Variants in MTM1 observed in about 807,000 individuals in gnomAD.
The protein encoded by MTM1 is myotubularin.
MTM1 carries 9 observed loss-of-function variants against 52.1 expected under a neutral mutation model. That is an observed-to-expected ratio of 0.17 (90% CI 0.10 to 0.30). The LOEUF is 0.30. MTM1 is among the 10% of genes least tolerant of loss of function. The pLI, the probability that MTM1 is intolerant of heterozygous loss-of-function variation, is 1.00. For synonymous variants in MTM1, 136 were observed against 163.8 expected (o/e 0.83, Z 1.29); for missense variants, 277 against 470.7 (o/e 0.59, Z 3.81).
chrX:150,657,040 T>C (rs1557414448), intron 10 of MTM1, among the ~76,000 whole-genome samples: 1 of 110,850 alleles, frequency 9.0e-6, no homozygotes, highest in Admixed American at 9.6e-5. Flanking sequence ...GTAAACTAGT[T>C]CAACCATTGT....
At chrX:150,655,653 ATT>A (rs2040101059) in intron 10 of MTM1, among the ~76,000 whole-genome samples, 1 of 112,336 alleles carries the variant, frequency 8.9e-6, no homozygotes, top group Non-Finnish European at 1.9e-5. Flanking sequence ...AAGGCCACCT[ATT>A]GCATTATCCT....
intron 6 of MTM1, among the ~76,000 whole-genome samples, chrX:150,627,855 G>A (rs782765706): frequency 1.6e-4 from 18 of 112,013 alleles, no homozygotes; most frequent in Non-Finnish European, 2.8e-4. Flanking sequence ...GGTTTGGGAC[G>A]CTTATGAATT....
chrX:150,615,739 TTTTC>T (rs1480754622), intron 5 of MTM1, among the ~76,000 whole-genome samples: 2 of 112,346 alleles, frequency 1.8e-5, no homozygotes, highest in African/African-American at 6.5e-5. Flanking sequence ...AATATGGTGT[TTTTC>T]TTTCCGTTTA....
chrX:150,606,951 C>T (rs1405885888), intron 4 of MTM1, among the ~76,000 whole-genome samples: 1 of 44,500 alleles, frequency 2.2e-5, no homozygotes, highest in Non-Finnish European at 5.0e-5. Flanking sequence ...CCCTCCCCTC[C>T]CCCTCCCCTC....
At chrX:150,587,216 T>C (rs1485036748) in intron 1 of MTM1, among the ~76,000 whole-genome samples, 1 of 111,749 alleles carries the variant, frequency 8.9e-6, no homozygotes, top group Non-Finnish European at 1.9e-5. Context: ...GTTAATAGCT[T>C]GTTTTTTAGT....
intron 14 of MTM1, among the ~76,000 whole-genome samples, chrX:150,669,419 TTCTAGA>T (rs1557415087): frequency 8.9e-6 from 1 of 111,950 alleles, no homozygotes; most frequent in Non-Finnish European, 1.9e-5. Context: ...GTATGTCTGG[TTCTAGA>T]TCCTTGAGGA....
At chrX:150,655,377 T>G (rs1024292995) in intron 10 of MTM1, among the ~76,000 whole-genome samples, 1 of 110,760 alleles carries the variant, frequency 9.0e-6, no homozygotes, top group East Asian at 2.8e-4. Context: ...TCCAACCGTT[T>G]CACTCCAAGA....
At chrX:150,583,286 T>C (rs1308807348) in intron 1 of MTM1, among the ~76,000 whole-genome samples, 1 of 58,224 alleles carries the variant, frequency 1.7e-5, no homozygotes, top group Non-Finnish European at 2.8e-5. Context: ...ATTATAAATA[T>C]ATATAAATTA....
chrX:150,567,305 C>CAT (rs1396567373), upstream of MTM1, among the ~76,000 whole-genome samples: 1 of 110,838 alleles, frequency 9.0e-6, no homozygotes, highest in Non-Finnish European at 1.9e-5. Context: ...TTCAATAAAG[C>CAT]ATATATATAT....
intron 6 of MTM1, among the ~76,000 whole-genome samples, chrX:150,626,445 C>T (rs1557413428): frequency 9.0e-6 from 1 of 110,870 alleles, no homozygotes; most frequent in African/African-American, 3.3e-5. Context: ...TCCTGAGTAG[C>T]TGGGACTACA....
At chrX:150,590,348 C>A (rs954797708) in intron 1 of MTM1, among the ~76,000 whole-genome samples, 1 of 112,140 alleles carries the variant, frequency 8.9e-6, no homozygotes, top group Non-Finnish European at 1.9e-5. Context: ...GAGCTTTAGA[C>A]ATAAAGACTG....
At chrX:150,594,084 C>CGT (rs1182801689) in intron 2 of MTM1, among the ~76,000 whole-genome samples, 2 of 108,771 alleles carry the variant, frequency 1.8e-5, no homozygotes, top group Non-Finnish European at 1.9e-5. Flanking sequence ...TTATGTGTTC[C>CGT]GTGTGTGTGT....
At chrX:150,588,874 A>G (rs990237833) in intron 1 of MTM1, among the ~76,000 whole-genome samples, 34 of 111,908 alleles carry the variant, frequency 3.0e-4, no homozygotes, top group Admixed American at 9.5e-5. Context: ...CATTTCAAAC[A>G]TGAGTTTGTA....
intron 1 of MTM1, among the ~76,000 whole-genome samples, chrX:150,584,657 G>T (rs2038749427): frequency 9.0e-6 from 1 of 111,193 alleles, no homozygotes; most frequent in Admixed American, 9.6e-5. Flanking sequence ...AAAATATCAA[G>T]GCATAAGTAC....
At position 150,583,533 on chromosome X, in the gene MTM1, A is replaced by T. The variant is rs868972552; in HGVS notation, c.-10-9072A>T. Among the ~76,000 whole-genome samples, 72 of 30,061 alleles carry T rather than the reference A, an allele frequency of 2.4e-3. 5 individuals are homozygous for T. Among genetic ancestry groups the T allele is most frequent in the African/African-American group, 8.7e-3 (57 of 6,519 alleles). The allele number at this position is 30,061 out of a possible 115,157, so 26.1% of individuals were successfully genotyped here. A position where few individuals can be genotyped will look rare whatever the true frequency, so the allele number is the denominator to read the frequency against. ...TATAATTTATATATATTATATATAA[A>T]TTATATATATTATACATAATTTATA... On this transcript the variant is annotated intron_variant, in intron 1 of 14. Coordinates refer to ENST00000370396, the MANE Select transcript of MTM1 (RefSeq NM_000252.3).
At chrX:150,669,270 A>C (rs782733700) in intron 14 of MTM1, among the ~76,000 whole-genome samples, 2 of 112,196 alleles carry the variant, frequency 1.8e-5, no homozygotes, top group East Asian at 5.6e-4. Flanking sequence ...TTCTTTATCC[A>C]GTCTATCACT....
At chrX:150,657,413 G>C (rs1186658383) in intron 10 of MTM1, among the ~76,000 whole-genome samples, 5 of 104,271 alleles carry the variant, frequency 4.8e-5, no homozygotes, top group African/African-American at 1.8e-4. Context: ...TCATAGGTGG[G>C]AATTGAACAA....
intron 1 of MTM1, among the ~76,000 whole-genome samples, chrX:150,587,471 G>T (rs781833181): frequency 8.9e-6 from 1 of 111,953 alleles, no homozygotes; most frequent in African/African-American, 3.2e-5. Flanking sequence ...AAAGGAAAAT[G>T]TATAAAAATG....
At chrX:150,647,594 T>C (rs1469095498) in intron 9 of MTM1, among the ~76,000 whole-genome samples, 1 of 112,268 alleles carries the variant, frequency 8.9e-6, no homozygotes, top group East Asian at 2.8e-4. Flanking sequence ...TTGTTCTTTT[T>C]TGTTGAAGAA....
Sources: allele counts gnomAD v4.1 joint callset (sites outside exome capture counted in the v4.1 genomes callset), GRCh38; gene constraint gnomAD v4.1.1; transcripts MANE v1.5; gene names NCBI Gene and HGNC (gene_info 2026-07-23, HGNC 2026-07-21).